The following ADTRP variants were observed in gnomAD, a reference collection of about 807,000 sequenced individuals.
The protein encoded by ADTRP is androgen dependent TFPI regulating protein, also known as androgen-dependent TFPI-regulating protein.
In ADTRP, 20 loss-of-function variants were observed where a neutral mutation model predicts 27.0. The ratio of observed to expected loss-of-function variants is 0.74; its 90% CI spans 0.52 to 1.08. The LOEUF (loss-of-function observed/expected upper bound fraction) is 1.08, where lower values mean the gene tolerates loss of function less well. Among genes scored for constraint, ADTRP ranks in the 50% least tolerant of loss-of-function variants. The pLI is 0.00. For synonymous variants in ADTRP, 101 were observed against 105.2 expected (o/e 0.96, Z 0.25); for missense variants, 251 against 275.0 (o/e 0.91, Z 0.62).
rs1314230519 is a variant in ADTRP at position 11,713,897 on chromosome 6, A to T, written c.*581T>A. 2.0e-5 allele frequency: 3 copies of T among 152,182 alleles called. No homozygotes were observed. Among genetic ancestry groups the T allele is most frequent in the African/African-American group, 7.2e-5 (3 of 41,416 alleles). 9.4% of individuals were successfully genotyped at this position (152,182 alleles called of 1,614,324 possible). Reference sequence around the variant, plus strand: ...AGTAGCCATCTCCCTACATTTTTAGATCACTGAAAAAAATGGATGAGCAAC... The same window carrying T: ...AGTAGCCATCTCCCTACATTTTTAGTTCACTGAAAAAAATGGATGAGCAAC... On this transcript the variant is annotated 3_prime_UTR_variant, in exon 6 of 6. Transcript: ENST00000414691.
chr6:11,735,449 T>C (rs2113901788), intron 4 of ADTRP, 119 bp downstream of exon 4: 1 of 711,416 alleles, frequency 1.4e-6, no homozygotes, highest in East Asian at 2.8e-5. Context: ...AATGTAAACA[T>C]GATTAAATCC....
intron 3 of ADTRP, among the ~76,000 whole-genome samples, chr6:11,746,950 C>T (rs1762883130): frequency 6.6e-6 from 1 of 152,208 alleles, no homozygotes. Flanking sequence ...AGATGCTCCC[C>T]AGAGGCCACT....
intron 1 of ADTRP, among the ~76,000 whole-genome samples, chr6:11,770,545 C>T (rs1277399650): frequency 2.0e-5 from 3 of 152,076 alleles, no homozygotes; most frequent in Non-Finnish European, 2.9e-5. Context: ...TACTAAAGAA[C>T]GGCCGGGGGT....
intron 1 of ADTRP, among the ~76,000 whole-genome samples, chr6:11,770,680 CT>C (rs1403180502): frequency 6.6e-6 from 1 of 152,174 alleles, no homozygotes; most frequent in African/African-American, 2.4e-5. Context: ...CACCCTAATA[CT>C]TCTCATTATT....
Position 11,734,404 on chromosome 6 carries a change from G to A in ADTRP, c.506+1164C>T, listed in dbSNP as rs1178640383. Among the ~76,000 whole-genome samples the A allele has an allele frequency of 6.6e-5, 10 of 152,312 alleles. 1 individual carries two copies. Among genetic ancestry groups the A allele is most frequent in the East Asian group, 3.9e-4 (2 of 5,184 alleles). On this transcript the variant is annotated intron_variant, in intron 4 of 5. Coordinates refer to ENST00000414691, the MANE Select transcript of ADTRP (RefSeq NM_032744.4). ...TCAGTAGGACCCAAGCTTAAGCCTC[G>A]TTCTCTGAAATTCCCTTTGTTAAAA... is the stretch of plus-strand genomic sequence containing the variant.
At chr6:11,715,372 T>G (rs188505682) in intron 5 of ADTRP, among the ~76,000 whole-genome samples, 1 of 152,174 alleles carries the variant, frequency 6.6e-6, no homozygotes, top group Admixed American at 6.5e-5. Flanking sequence ...ACTCCACTTC[T>G]TAGAGGCTAT....
intron 5 of ADTRP, among the ~76,000 whole-genome samples, chr6:11,720,351 A>G (rs895678545): frequency 6.6e-6 from 1 of 152,220 alleles, no homozygotes; most frequent in African/African-American, 2.4e-5. Flanking sequence ...AGGAATAGAC[A>G]GGGATCATCT....
chr6:11,719,788 A>C (rs1581305911), intron 5 of ADTRP, among the ~76,000 whole-genome samples: 1 of 152,162 alleles, frequency 6.6e-6, no homozygotes, highest in Non-Finnish European at 1.5e-5. Flanking sequence ...TCCGTCTGCT[A>C]TCGGGTAGCT....
intron 4 of ADTRP, among the ~76,000 whole-genome samples, chr6:11,733,424 C>T (rs911270188): frequency 2.6e-5 from 4 of 151,958 alleles, no homozygotes; most frequent in Admixed American, 2.6e-4. Context: ...CTCAGCTCCT[C>T]CAGCCCTTTG....
chr6:11,735,225 C>T (rs11754525), intron 4 of ADTRP, among the ~76,000 whole-genome samples: 31 of 152,184 alleles, frequency 2.0e-4, no homozygotes, highest in Admixed American at 1.0e-3. Context: ...CCTCAGATCC[C>T]TCAGCCATTC....
intron 4 of ADTRP, among the ~76,000 whole-genome samples, chr6:11,731,342 C>A (rs777064487): frequency 1.2e-4 from 19 of 152,148 alleles, no homozygotes; most frequent in Non-Finnish European, 1.0e-4. Context: ...GCACTATTGT[C>A]AAGAATGACA....
intron 3 of ADTRP, among the ~76,000 whole-genome samples, chr6:11,764,763 T>C (rs1763502653): frequency 6.6e-6 from 1 of 152,104 alleles, no homozygotes; most frequent in Non-Finnish European, 1.5e-5. Flanking sequence ...TTATCCTCTC[T>C]GAGCTTTTAT....
chr6:11,739,914 C>A lies in ADTRP; in HGVS notation c.391-4231G>T, dbSNP rs372900465. Among the ~76,000 whole-genome samples the A allele has an allele frequency of 2.0e-4, 30 of 152,260 alleles. No individual in the cohort carries two copies. In the South Asian group the frequency reaches 6.2e-3, roughly 32 times the overall value. The stretch of plus-strand genomic sequence containing the variant: ...CCTAAGTTTCCTGCGGGGACAAGAG[C>A]ACTTAATTTTCTCCAGTGAAAAAAA... On this transcript the variant is annotated intron_variant, in intron 3 of 5. Transcript: ENST00000414691.
chr6:11,754,561 G>T (rs1466069241), intron 3 of ADTRP, among the ~76,000 whole-genome samples: 2 of 152,216 alleles, frequency 1.3e-5, no homozygotes, highest in Non-Finnish European at 2.9e-5. Flanking sequence ...AGGACTACCA[G>T]GAAATGCTCT....
At chr6:11,738,177 G>A (rs903530826) in intron 3 of ADTRP, among the ~76,000 whole-genome samples, 20 of 152,134 alleles carry the variant, frequency 1.3e-4, no homozygotes, top group Non-Finnish European at 2.5e-4. Context: ...TCATCTCATC[G>A]GTGGGCCCAG....
At chr6:11,752,095 A>C (rs1334162772) in intron 3 of ADTRP, among the ~76,000 whole-genome samples, 1 of 152,200 alleles carries the variant, frequency 6.6e-6, no homozygotes, top group Non-Finnish European at 1.5e-5. Flanking sequence ...TTTTGCATAC[A>C]TTCTGGGAAA....
chr6:11,760,734 A>T (rs1763367197), intron 3 of ADTRP, among the ~76,000 whole-genome samples: 1 of 152,228 alleles, frequency 6.6e-6, no homozygotes, highest in Non-Finnish European at 1.5e-5. Context: ...ATTATCTAAT[A>T]GGCATCTAAA....
At chr6:11,772,537 A>T (rs1204432539) in intron 1 of ADTRP, among the ~76,000 whole-genome samples, 3 of 152,304 alleles carry the variant, frequency 2.0e-5, no homozygotes, top group South Asian at 2.1e-4. Flanking sequence ...AGGGAGGGAG[A>T]TTCCACAAGT....
At chr6:11,747,601 TTC>T (rs1762908676) in intron 3 of ADTRP, among the ~76,000 whole-genome samples, 1 of 152,250 alleles carries the variant, frequency 6.6e-6, no homozygotes, top group Non-Finnish European at 1.5e-5. Flanking sequence ...AAAACACTTG[TTC>T]TGTTTCTATT....
Sources: gnomAD v4.1 joint callset for allele counts (sites outside exome capture counted in the v4.1 genomes callset) on GRCh38, gnomAD v4.1.1 for gene constraint, MANE v1.5 for transcripts, NCBI Gene and HGNC (gene_info 2026-07-23, HGNC 2026-07-21) for gene names.